SF3A3: variants seen among roughly 807,000 people sequenced by gnomAD.
SF3A3 encodes SAP 61.
A neutral mutation model predicts 85.8 loss-of-function variants in SF3A3; 9 were observed. The ratio of observed to expected loss-of-function variants is 0.10; its 90% confidence interval spans 0.06 to 0.18. SF3A3 has a LOEUF of 0.18. Ranked by LOEUF, SF3A3 falls within the 10% of genes least tolerant of loss-of-function variation. The pLI is 1.00. For missense variants in SF3A3, 306 were observed against 593.3 expected, an observed-to-expected ratio of 0.52 and a Z score of 5.03; for synonymous variants, 195 against 204.4, an observed-to-expected ratio of 0.95 and a Z score of 0.39.
Position 37,979,650 on chromosome 1 carries a change from G to C in SF3A3, c.691-117C>G, listed in dbSNP as rs543990489. ...ATAGGTGAATTGCTTGAGTTCAGGA[G>C]TTAGAGACCAGGCAGGGAAACATGG... is the stretch of plus-strand genomic sequence containing the variant. On this transcript the variant is annotated intron_variant, in intron 8 of 16. Transcript: ENST00000373019. The C allele has an allele frequency of 2.4e-5, 15 of 633,108 alleles. No individual in the cohort carries two copies. The South Asian group carries it at 3.3e-4, about 14-fold the overall frequency. The allele number at this position is 633,108 out of a possible 1,614,324, so 39.2% of individuals were successfully genotyped here. A position where few individuals can be genotyped will look rare whatever the true frequency, so the allele number is the denominator to read the frequency against.
chr1:37,959,557 C>T (rs1010365970), intron 16 of SF3A3, among the ~76,000 whole-genome samples: 2 of 151,898 alleles, frequency 1.3e-5, no homozygotes, highest in Admixed American at 6.6e-5. Context: ...TACTAGCATG[C>T]GCCACCACAC....
In SF3A3 at chr1:37,968,150, A is replaced by G; in HGVS notation, c.1282-16T>C. 3 of 1,541,200 alleles carry G rather than the reference A, an allele frequency of 1.9e-6. No individual in the cohort carries two copies. Among genetic ancestry groups the G allele is most frequent in the Non-Finnish European group, 2.7e-6 (3 of 1,113,816 alleles). Reference sequence around the variant, plus strand: ...GACGCCATTCCTGGGAGAAGAGAGAAGCAAAAGGATCATGTGAAATGGGAA... The same window carrying G: ...GACGCCATTCCTGGGAGAAGAGAGAGGCAAAAGGATCATGTGAAATGGGAA... On this transcript the variant is annotated splice_polypyrimidine_tract_variant and intron_variant, in intron 14 of 16. Coordinates refer to ENST00000373019, the MANE Select transcript of SF3A3 (RefSeq NM_006802.4).
chr1:37,964,140 C>T (rs576248459), intron 15 of SF3A3, among the ~76,000 whole-genome samples: 4 of 152,168 alleles, frequency 2.6e-5, no homozygotes, highest in Admixed American at 2.0e-4. Context: ...GATTGCGCCA[C>T]TGCACTCCAG....
intron 15 of SF3A3, among the ~76,000 whole-genome samples, chr1:37,962,998 G>C (rs1646272642): frequency 6.6e-6 from 1 of 151,668 alleles, no homozygotes; most frequent in Non-Finnish European, 1.5e-5. Context: ...TGAGACAGGA[G>C]AATCGCTTGA....
At chr1:37,972,034 G>T (rs1194012231) in intron 12 of SF3A3, among the ~76,000 whole-genome samples, 1 of 152,152 alleles carries the variant, frequency 6.6e-6, no homozygotes, top group South Asian at 2.1e-4. Flanking sequence ...AAGAAATAAA[G>T]GGTATTCAAT....
At chr1:37,970,652 A>G (rs1646332701) in intron 12 of SF3A3, among the ~76,000 whole-genome samples, 1 of 151,944 alleles carries the variant, frequency 6.6e-6, no homozygotes, top group Admixed American at 6.6e-5. Flanking sequence ...ATTATAACAA[A>G]CTGTCTCTCA....
intron 12 of SF3A3, among the ~76,000 whole-genome samples, chr1:37,970,564 GCAC>G (rs150509645): frequency 0.9 from 131,258 of 146,372 alleles, 58,890 homozygotes; most frequent in East Asian, 0.99. Flanking sequence ...ATTCTTCTCA[GCAC>G]CACATCACAC....
intron 12 of SF3A3, among the ~76,000 whole-genome samples, chr1:37,971,188 C>T (rs1570460001): frequency 1.3e-5 from 2 of 152,154 alleles, no homozygotes; most frequent in East Asian, 3.9e-4. Flanking sequence ...ACACCGATCC[C>T]ACAGAAATAC....
chr1:37,961,582 C>A (rs1175390968), intron 15 of SF3A3, among the ~76,000 whole-genome samples: 1 of 150,214 alleles, frequency 6.7e-6, no homozygotes, highest in Admixed American at 6.6e-5. Context: ...GGAACTCCGT[C>A]TCAAAAAAAC....
chr1:37,978,937 T>C (rs375660695), intron 10 of SF3A3, 51 bp downstream of exon 10: 57 of 1,568,464 alleles, frequency 3.6e-5, no homozygotes, highest in Non-Finnish European at 4.7e-5. Context: ...CTTAGAAGAC[T>C]GTGCAAACAC....
At chr1:37,968,213 A>T (rs1646315921) in intron 14 of SF3A3, 79 bp from the exon 15 acceptor site, 3 of 839,246 alleles carry the variant, frequency 3.6e-6, no homozygotes, top group Non-Finnish European at 6.2e-6. Context: ...TCTACTCATA[A>T]ATCCTAACAT....
chr1:37,982,602 C>T (rs1222805592), intron 6 of SF3A3, among the ~76,000 whole-genome samples: 1 of 152,078 alleles, frequency 6.6e-6, no homozygotes, highest in Non-Finnish European at 1.5e-5. Flanking sequence ...GAACACCTGA[C>T]CTCAGGTGAT....
At position 37,969,386 on chromosome 1, in the gene SF3A3, G is replaced by T. The variant is rs1473314876; in HGVS notation, c.1249C>A (p.Arg417=). The T allele has an allele frequency of 3.1e-6, 5 of 1,612,088 alleles. No individual in the cohort carries two copies. Among genetic ancestry groups the T allele is most frequent in the Non-Finnish European group, 3.4e-6 (4 of 1,179,852 alleles). The change falls in exon 14 of 17, where the codon CGA becomes AGA. Residue 417 remains arginine (R), a synonymous_variant. Coordinates refer to ENST00000373019, the MANE Select transcript of SF3A3 (RefSeq NM_006802.4). The part of the protein sequence containing the change: ...NCEICGNYTY[R]GPKAFQRHFA... The stretch of plus-strand genomic sequence containing the variant: ...TGTCGCTGGAAGGCTTTGGGCCCTC[G>T]GTAGGTGTAGTTTCCACAAATCTCA...
intron 11 of SF3A3, 108 bp downstream of exon 11, chr1:37,978,612 A>G: frequency 1.5e-6 from 1 of 658,586 alleles, no homozygotes; most frequent in East Asian, 2.7e-5. Flanking sequence ...ATCTCTGTCA[A>G]CCAATAACGG....
intron 15 of SF3A3, among the ~76,000 whole-genome samples, chr1:37,962,459 TG>T (rs1646267909): frequency 6.6e-6 from 1 of 150,972 alleles, no homozygotes; most frequent in Non-Finnish European, 1.5e-5. Flanking sequence ...CAAAATTAAC[TG>T]GGCATGGTGG....
At chr1:37,973,567 A>T (rs1646358253) in intron 12 of SF3A3, among the ~76,000 whole-genome samples, 1 of 152,244 alleles carries the variant, frequency 6.6e-6, no homozygotes. Flanking sequence ...CGATGATTAA[A>T]AAGTCAGGAA....
At chr1:37,986,794 A>G (rs562352124) in intron 4 of SF3A3, among the ~76,000 whole-genome samples, 41 of 120,720 alleles carry the variant, frequency 3.4e-4, no homozygotes, top group African/African-American at 1.3e-3. Flanking sequence ...CCTGGGCAAC[A>G]GAGCGAGACT....
chr1:37,986,856 T>C (rs1047343907), intron 4 of SF3A3, among the ~76,000 whole-genome samples: 2 of 148,892 alleles, frequency 1.3e-5, no homozygotes, highest in Non-Finnish European at 3.0e-5. Context: ...ACACAATTTA[T>C]TGGGGAGAGT....
intron 7 of SF3A3, 110 bp downstream of exon 7, chr1:37,981,619 T>C: frequency 8.1e-6 from 6 of 739,082 alleles, no homozygotes; most frequent in Non-Finnish European, 1.4e-5. Context: ...AACCTGGAAG[T>C]ATGCCTTCAT....
Sources: allele counts gnomAD v4.1 joint callset (sites outside exome capture counted in the v4.1 genomes callset), GRCh38; gene constraint gnomAD v4.1.1; transcripts MANE v1.5; gene names NCBI Gene and HGNC (gene_info 2026-07-23, HGNC 2026-07-21).